PPARG: variants seen among roughly 807,000 people sequenced by gnomAD.
PPARG encodes the protein peroxisome proliferator activated receptor gamma, also known as peroxisome proliferator-activated receptor gamma.
Under a neutral mutation model 39.2 loss-of-function variants are expected in PPARG, and 17 were observed. The observed-to-expected ratio is 0.43, with a 90% CI of 0.30 to 0.65. The LOEUF (loss-of-function observed/expected upper bound fraction) is 0.65, where lower values mean the gene tolerates loss of function less well. Ranked by LOEUF, PPARG falls within the 30% of genes least tolerant of loss-of-function variation. PPARG has a pLI of 0.13. For synonymous variants in PPARG, 223 were observed against 215.7 expected (o/e 1.03, Z -0.30); for missense variants, 406 against 585.9 (o/e 0.69, Z 3.17).
upstream of PPARG, chr3:12,287,844 C>T (rs1362070177): frequency 5.9e-5 from 8 of 135,144 alleles, no homozygotes; most frequent in African/African-American, 1.1e-4. Context: ...ACCCCCACCC[C>T]CAGCCGGCGC....
intron 2 of PPARG, among the ~76,000 whole-genome samples, chr3:12,322,042 G>T (rs1574986473): frequency 6.6e-6 from 1 of 152,288 alleles, no homozygotes; most frequent in East Asian, 1.9e-4. Flanking sequence ...GCATGCTACA[G>T]AATTGAATTA....
chr3:12,302,942 A>G (rs7620165), intron 1 of PPARG, among the ~76,000 whole-genome samples: 36,582 of 152,130 alleles, frequency 0.24, 5,241 homozygotes, highest in Middle Eastern at 0.35. Context: ...GAAGCAGAGA[A>G]TGATGCTCAA....
At chr3:12,376,026 C>T (rs960925959) in intron 2 of PPARG, among the ~76,000 whole-genome samples, 9 of 151,696 alleles carry the variant, frequency 5.9e-5, no homozygotes, top group South Asian at 2.1e-4. Context: ...CTCAGCTCAC[C>T]GCAACCTCTC....
At chr3:12,425,692 G>A (rs982219727) in intron 7 of PPARG, among the ~76,000 whole-genome samples, 1 of 152,140 alleles carries the variant, frequency 6.6e-6, no homozygotes, top group Non-Finnish European at 1.5e-5. Context: ...GAGCAGAAAT[G>A]TACGTACATC....
intron 2 of PPARG, among the ~76,000 whole-genome samples, chr3:12,329,531 G>A (rs773426978): frequency 6.6e-6 from 1 of 152,190 alleles, no homozygotes; most frequent in Non-Finnish European, 1.5e-5. Context: ...AAACCATGTT[G>A]TGTATTTTAT....
At chr3:12,317,647 T>C (rs2047425225) in intron 2 of PPARG, among the ~76,000 whole-genome samples, 1 of 152,200 alleles carries the variant, frequency 6.6e-6, no homozygotes. Context: ...AATATCTTTA[T>C]GTAAATATTT....
intron 2 of PPARG, among the ~76,000 whole-genome samples, chr3:12,335,906 C>T (rs1052833470): frequency 6.6e-6 from 1 of 151,960 alleles, no homozygotes; most frequent in Non-Finnish European, 1.5e-5. Flanking sequence ...CGTCGTGACA[C>T]CACTGTCCTT....
At chr3:12,351,680 G>A (rs1321511241) in intron 2 of PPARG, 1 of 1,597,978 alleles carries the variant, frequency 6.3e-7, no homozygotes, top group Non-Finnish European at 8.6e-7. Flanking sequence ...ACAAGGTAAA[G>A]TTCCTTCCAG....
intron 4 of PPARG, among the ~76,000 whole-genome samples, chr3:12,390,775 G>A (rs1217564667): frequency 6.6e-6 from 1 of 151,344 alleles, no homozygotes; most frequent in Non-Finnish European, 1.5e-5. Context: ...CGCCAGAGTA[G>A]TAGCTGTGAC....
chr3:12,415,515 A>G (rs1399598572), intron 6 of PPARG, among the ~76,000 whole-genome samples: 2 of 152,234 alleles, frequency 1.3e-5, no homozygotes, highest in African/African-American at 4.8e-5. Flanking sequence ...TTTCTCAATG[A>G]CTACAAACCT....
intron 1 of PPARG, among the ~76,000 whole-genome samples, chr3:12,310,427 A>G (rs1000842276): frequency 1.4e-5 from 2 of 140,082 alleles, no homozygotes; most frequent in African/African-American, 5.3e-5. Context: ...TTAGATTAAA[A>G]TTTTTACCTT....
intron 2 of PPARG, chr3:12,328,144 C>T (rs927191145): frequency 7.9e-7 from 1 of 1,273,840 alleles, no homozygotes; most frequent in Non-Finnish European, 1.1e-6. Context: ...AATTCACAAT[C>T]AACTGTTAGA....
At chr3:12,352,882 AG>A (rs1323493395) in intron 2 of PPARG, among the ~76,000 whole-genome samples, 3 of 152,206 alleles carry the variant, frequency 2.0e-5, no homozygotes, top group South Asian at 2.1e-4. Context: ...TTTTTCTGCA[AG>A]CCATAAAAAT....
chr3:12,396,106 A>G (rs189715370), intron 5 of PPARG, among the ~76,000 whole-genome samples: 1 of 152,188 alleles, frequency 6.6e-6, no homozygotes, highest in Admixed American at 6.5e-5. Flanking sequence ...TTTTAAAAAT[A>G]TGTCTTCTTT....
intron 2 of PPARG, among the ~76,000 whole-genome samples, chr3:12,353,038 A>G (rs2048537282): frequency 6.6e-6 from 1 of 152,210 alleles, no homozygotes; most frequent in African/African-American, 2.4e-5. Flanking sequence ...ACAAATATCA[A>G]CAAATAGGTT....
intron 6 of PPARG, among the ~76,000 whole-genome samples, chr3:12,413,637 C>T (rs552741293): frequency 8.6e-5 from 13 of 151,102 alleles, no homozygotes; most frequent in South Asian, 8.4e-4. Context: ...GGTGAAACCC[C>T]GTCTATACTA....
intron 2 of PPARG, among the ~76,000 whole-genome samples, chr3:12,346,432 A>G (rs1194500912): frequency 6.6e-6 from 1 of 152,144 alleles, no homozygotes; most frequent in Non-Finnish European, 1.5e-5. Context: ...CTTAAGGATT[A>G]TTCTGTTTTG....
At position 12,434,275 on chromosome 3, in the gene PPARG, T is replaced by G. The variant is rs2051784443; in HGVS notation, c.*130T>G. 8.6e-7 allele frequency: 1 copy of G among 1,162,272 alleles called. No individual in the cohort carries two copies. Among genetic ancestry groups the G allele is most frequent in the Admixed American group, 2.1e-5 (1 of 48,426 alleles). 72.0% of individuals were successfully genotyped at this position (1,162,272 alleles called of 1,614,324 possible). ...GAAAAGGTTTTAGAATATGATCTAT[T>G]TTATGCATATTGTTTATAAAGACAC... On this transcript the variant is annotated 3_prime_UTR_variant, in exon 8 of 8. Transcript: ENST00000651735. This position sits in a 1 kb window ranked among gnomAD's most constrained non-coding sequence, Gnocchi z 4.2.
chr3:12,310,813 A>AC (rs917752928), intron 1 of PPARG, among the ~76,000 whole-genome samples: 3 of 149,880 alleles, frequency 2.0e-5, no homozygotes, highest in East Asian at 1.9e-4. Flanking sequence ...AAAAAAAAAA[A>AC]AAAAAAAAAA....
Sources: gnomAD v4.1 joint callset for allele counts (sites outside exome capture counted in the v4.1 genomes callset) on GRCh38, gnomAD v4.1.1 for gene constraint, Gnocchi (gnomAD v3.1) non-coding constraint, MANE v1.5 for transcripts, NCBI Gene and HGNC (gene_info 2026-07-23, HGNC 2026-07-21) for gene names.